The following CACNA1C variants were observed in gnomAD, a reference collection of about 807,000 sequenced individuals.
CACNA1C encodes calcium voltage-gated channel subunit alpha1 C, also known as voltage-dependent L-type calcium channel subunit alpha-1C.
A neutral mutation model predicts 229.0 loss-of-function variants in CACNA1C; 30 were observed. The ratio of observed to expected loss-of-function variants is 0.13; its 90% CI spans 0.10 to 0.18. The LOEUF (loss-of-function observed/expected upper bound fraction) is 0.18, where lower values mean the gene tolerates loss of function less well. Ranked by LOEUF, CACNA1C falls within the 10% of genes least tolerant of loss-of-function variation. The pLI is 1.00. For synonymous variants in CACNA1C, 1,114 were observed against 1,132.5 expected (o/e 0.98, Z 0.33); for missense variants, 1,658 against 2,845.0 (o/e 0.58, Z 9.49).
intron 4 of CACNA1C, among the ~76,000 whole-genome samples, chr12:2,456,723 C>A (rs527916746): frequency 1.3e-5 from 2 of 152,314 alleles, no homozygotes; most frequent in South Asian, 4.1e-4. Context: ...AGGAAGGCGG[C>A]CCTCACCCTG....
chr12:2,058,948 C>T (rs11830981), intron 1 of CACNA1C, among the ~76,000 whole-genome samples: 11 of 151,826 alleles, frequency 7.2e-5, no homozygotes, highest in African/African-American at 2.4e-4. Context: ...TGTGTAGACA[C>T]GGGCCTGGAG....
chr12:2,519,455 T>A (rs2099805271), intron 9 of CACNA1C, among the ~76,000 whole-genome samples: 1 of 152,216 alleles, frequency 6.6e-6, no homozygotes, highest in Non-Finnish European at 1.5e-5. Flanking sequence ...ACCGATGACA[T>A]CCTTTCAAAG....
At chr12:2,477,644 G>A (rs979313530) in intron 5 of CACNA1C, among the ~76,000 whole-genome samples, 5 of 152,172 alleles carry the variant, frequency 3.3e-5, no homozygotes, top group Non-Finnish European at 5.9e-5. Flanking sequence ...TGGGAGTAGG[G>A]TGAGGTCAGG....
intron 3 of CACNA1C, among the ~76,000 whole-genome samples, chr12:2,156,539 TG>T (rs777805565): frequency 2.2e-4 from 34 of 152,396 alleles, no homozygotes; most frequent in Non-Finnish European, 4.4e-4. Context: ...TTTGATTCTT[TG>T]GCGCTGGCCT....
At chr12:2,324,541 GC>G (rs1390219307) in intron 3 of CACNA1C, among the ~76,000 whole-genome samples, 2 of 152,220 alleles carry the variant, frequency 1.3e-5, no homozygotes, top group African/African-American at 4.8e-5. Context: ...AGCTGCCCGG[GC>G]CCCGCCTCCC....
At chr12:2,343,682 AAAAT>A (rs2096927334) in intron 3 of CACNA1C, among the ~76,000 whole-genome samples, 1 of 152,178 alleles carries the variant, frequency 6.6e-6, no homozygotes. Context: ...GGGGGCTGGG[AAAAT>A]AAATTAATGG....
chr12:2,040,880 G>T lies in CACNA1C; in HGVS notation c.139+69679G>T, dbSNP rs1309030320. Among the ~76,000 whole-genome samples the T allele has an allele frequency of 2.6e-5, 4 of 152,252 alleles. No individual in the cohort carries two copies. In the East Asian group the frequency reaches 7.7e-4, roughly 29 times the overall value. ...AAAGTTCCTTGGTTTATGGTTGAGG[G>T]AACTGATACTCAAAGAACATTAAGA... On this transcript the variant is annotated intron_variant, in intron 1 of 46. Transcript: ENST00000682462.
chr12:2,300,681 C>T (rs577317684), intron 3 of CACNA1C, among the ~76,000 whole-genome samples: 2 of 152,124 alleles, frequency 1.3e-5, no homozygotes, highest in South Asian at 2.1e-4. Context: ...GGGAATTGGC[C>T]GTCTGGTCTG....
chr12:2,306,264 A>G (rs1441160924), intron 3 of CACNA1C, among the ~76,000 whole-genome samples: 1 of 152,194 alleles, frequency 6.6e-6, no homozygotes, highest in Non-Finnish European at 1.5e-5. Flanking sequence ...CCATGGTGGG[A>G]AGCAGTGAGT....
At chr12:2,268,269 G>A (rs1162545100) in intron 3 of CACNA1C, among the ~76,000 whole-genome samples, 3 of 152,308 alleles carry the variant, frequency 2.0e-5, no homozygotes, top group Middle Eastern at 3.4e-3. Flanking sequence ...GACAGCCAGA[G>A]GGGTGTGACT....
chr12:2,134,386 A>T, intron 3 of CACNA1C, among the ~76,000 whole-genome samples: 1 of 34,746 alleles, frequency 2.9e-5, no homozygotes, highest in Non-Finnish European at 4.9e-5. Flanking sequence ...TAGTTGATGC[A>T]GTTTCTTCCT....
At chr12:2,236,305 T>C (rs758901685) in intron 3 of CACNA1C, among the ~76,000 whole-genome samples, 10 of 152,190 alleles carry the variant, frequency 6.6e-5, no homozygotes, top group Non-Finnish European at 1.2e-4. Context: ...GTGTGACTGA[T>C]TGCTGGTCCA....
chr12:2,261,237 AAAAAAC>A (rs977222051), intron 3 of CACNA1C, among the ~76,000 whole-genome samples: 6 of 152,168 alleles, frequency 3.9e-5, no homozygotes, highest in East Asian at 3.8e-4. Context: ...GTCTCAAAAA[AAAAAAC>A]AAAAACAAAA....
intron 9 of CACNA1C, among the ~76,000 whole-genome samples, chr12:2,543,945 A>G (rs991705756): frequency 1.3e-5 from 2 of 152,204 alleles, no homozygotes; most frequent in Non-Finnish European, 2.9e-5. Flanking sequence ...TCATCCCCTC[A>G]GACAGCCACC....
At chr12:1,982,784 G>C (rs544268795) in intron 1 of CACNA1C, among the ~76,000 whole-genome samples, 1 of 152,068 alleles carries the variant, frequency 6.6e-6, no homozygotes, top group Non-Finnish European at 1.5e-5. Flanking sequence ...TTGGTATCAG[G>C]ATAATGCTGC....
chr12:1,972,266 TAA>T (rs2032617612), intron 1 of CACNA1C, among the ~76,000 whole-genome samples: 1 of 152,258 alleles, frequency 6.6e-6, no homozygotes, highest in Admixed American at 6.5e-5. Context: ...AAGAGTAGAA[TAA>T]TATTTTCAAT....
At chr12:2,412,199 G>C (rs558903863) in intron 3 of CACNA1C, among the ~76,000 whole-genome samples, 50 of 152,272 alleles carry the variant, frequency 3.3e-4, no homozygotes, top group African/African-American at 1.2e-3. Context: ...CCCCACTGCA[G>C]GACGCCCAGG....
chr12:2,455,336 C>T (rs2099410999), intron 4 of CACNA1C, among the ~76,000 whole-genome samples: 2 of 148,494 alleles, frequency 1.3e-5, no homozygotes, highest in African/African-American at 4.9e-5. Context: ...ATCTGCATTG[C>T]AATAATAATA....
Position 2,488,962 on chromosome 12 carries a change from CAAG to C in CACNA1C, c.916+2701_916+2703del, listed in dbSNP as rs2099707394. 6.6e-6 allele frequency among the ~76,000 whole-genome samples: 1 copy of C among 152,220 alleles called. No homozygotes were observed. The highest frequency in any genetic ancestry group is 2.1e-4 in the South Asian group (1 of 4,826). ...CCACCCACAGAGTGGGCAGTGCAGACAAGGAGGGAAAATACGCGAGAACCCAGA... is the reference window on the plus strand; with the variant it reads ...CCACCCACAGAGTGGGCAGTGCAGACGAGGGAAAATACGCGAGAACCCAGA... On this transcript the variant is annotated intron_variant, in intron 6 of 46. Coordinates refer to ENST00000399655, the MANE Select transcript of CACNA1C (RefSeq NM_000719.7). This position sits in a 1 kb window ranked among gnomAD's most constrained non-coding sequence, Gnocchi z 4.0.
Sources: gnomAD v4.1 joint callset for allele counts (sites outside exome capture counted in the v4.1 genomes callset) on GRCh38, gnomAD v4.1.1 for gene constraint, Gnocchi (gnomAD v3.1) non-coding constraint, MANE v1.5 for transcripts, NCBI Gene and HGNC (gene_info 2026-07-23, HGNC 2026-07-21) for gene names.